Variants in ABCB4 observed in about 807,000 individuals in gnomAD.
ABCB4 encodes the protein ATP binding cassette subfamily B member 4, also known as phosphatidylcholine translocator ABCB4.
ABCB4 carries 76 observed loss-of-function variants against 145.7 expected under a neutral mutation model. The observed-to-expected ratio is 0.52, with a 90% CI of 0.43 to 0.63. The LOEUF is 0.63. Among genes scored for constraint, ABCB4 ranks in the 30% least tolerant of loss-of-function variants. ABCB4 has a pLI of 0.00. For synonymous variants in ABCB4, 517 were observed against 566.8 expected (o/e 0.91, Z 1.25); for missense variants, 1,234 against 1,553.1 (o/e 0.79, Z 3.45).
chr7:87,418,281 C>T (rs1309017847), intron 20 of ABCB4, among the ~76,000 whole-genome samples: 1 of 152,194 alleles, frequency 6.6e-6, no homozygotes, highest in Non-Finnish European at 1.5e-5. Context: ...CTATTAGCAG[C>T]CATCCTGTGA....
intron 14 of ABCB4, among the ~76,000 whole-genome samples, chr7:87,437,668 C>G (rs540925351): frequency 7.2e-5 from 11 of 152,126 alleles, no homozygotes; most frequent in Non-Finnish European, 1.6e-4. Context: ...GATACTATTT[C>G]TGTCCCCTCT....
intron 18 of ABCB4, 82 bp from the exon 19 acceptor site, chr7:87,420,157 A>G: frequency 1.5e-6 from 2 of 1,343,908 alleles, no homozygotes; most frequent in South Asian, 2.3e-5. Flanking sequence ...ACTTTTATGT[A>G]GCAAAGTTAT....
At chr7:87,449,152 G>A (rs981322491) in intron 8 of ABCB4, among the ~76,000 whole-genome samples, 2 of 151,948 alleles carry the variant, frequency 1.3e-5, no homozygotes, top group African/African-American at 4.8e-5. Flanking sequence ...TCCAGATACT[G>A]GTCAATTTTC....
At chr7:87,436,225 A>G (rs1195445509) in intron 14 of ABCB4, among the ~76,000 whole-genome samples, 1 of 152,226 alleles carries the variant, frequency 6.6e-6, no homozygotes, top group Non-Finnish European at 1.5e-5. Context: ...TTAGTCATCC[A>G]ATAAAATTAG....
chr7:87,422,952 C>T (rs31666), intron 17 of ABCB4, among the ~76,000 whole-genome samples: 121,048 of 152,136 alleles, frequency 0.8, 48,557 homozygotes, highest in Non-Finnish European at 0.85. Flanking sequence ...ACTAGGCAGA[C>T]AGATGCCCCA....
chr7:87,393,499 C>A, the ABCB4 span, among the ~76,000 whole-genome samples: 11 of 152,218 alleles, frequency 7.2e-5, no homozygotes, highest in South Asian at 2.3e-3. Context: ...AATTCAGATG[C>A]AGTTCACTTG....
chr7:87,385,488 G>A, the ABCB4 span, among the ~76,000 whole-genome samples: 1 of 151,956 alleles, frequency 6.6e-6, no homozygotes. Context: ...TTGTTTTTCA[G>A]ATTGTTTGCT....
Position 87,443,403 on chromosome 7 carries a change from C to T in ABCB4, c.1272G>A (p.Thr424=), listed in dbSNP as rs768662475. 2.7e-5 allele frequency: 43 copies of T among 1,613,886 alleles called. No homozygotes were observed. The highest frequency in any genetic ancestry group is 2.3e-4 in the African/African-American group (17 of 74,882). ...AGCCACTACTTCCAACCAGGGCCAC[C>T]GTCTGCCCACTCTGCACCTTCAGGT... ...GLNLKVQSGQ[T]VALVGSSGCG... Residue 424 remains threonine (T), a synonymous_variant, in exon 12 of 28, where the codon ACG becomes ACA. Coordinates refer to ENST00000649586, the MANE Select transcript of ABCB4 (RefSeq NM_000443.4).
At chr7:87,369,611 T>TA in the ABCB4 span, 445 of 344,336 alleles carry the variant, frequency 1.3e-3, 2 homozygotes, top group African/African-American at 7.1e-3. Flanking sequence ...CATGCTTTTT[T>TA]AAAAAAAAAT....
chr7:87,451,646 G>C lies in ABCB4; in HGVS notation c.685C>G (p.Leu229Val). Reference sequence around the variant, plus strand: ...ACCTTTGCCCAAACGGCTGCAGAGAGTCCTAGAATAGGGCTGATGGCCATT... The same window carrying C: ...ACCTTTGCCCAAACGGCTGCAGAGACTCCTAGAATAGGGCTGATGGCCATT... The part of the protein sequence containing the change: ...VIMAISPILG[L>V]SAAVWAKILS... Residue 229 changes from leucine to valine, a missense_variant, in exon 7 of 28, where the codon CTC becomes GTC. Coordinates refer to ENST00000649586, the MANE Select transcript of ABCB4 (RefSeq NM_000443.4). The C allele has an allele frequency of 6.2e-7, 1 of 1,614,134 alleles. No homozygotes were observed. The highest frequency in any genetic ancestry group is 8.5e-7 in the Non-Finnish European group (1 of 1,180,016).
intron 3 of ABCB4, 28 bp downstream of exon 3, chr7:87,472,593 T>C: frequency 6.4e-7 from 1 of 1,554,934 alleles, no homozygotes; most frequent in Non-Finnish European, 8.9e-7. Context: ...AAGGTAGGAT[T>C]ATTCACATTT....
At chr7:87,429,288 G>T (rs1047022148) in intron 15 of ABCB4, among the ~76,000 whole-genome samples, 6 of 152,338 alleles carry the variant, frequency 3.9e-5, no homozygotes, top group Admixed American at 3.9e-4. Context: ...AGAAATATCA[G>T]AGGTCATCTT....
chr7:87,407,701 A>G (rs967119652), intron 25 of ABCB4, among the ~76,000 whole-genome samples: 1 of 152,200 alleles, frequency 6.6e-6, no homozygotes, highest in Non-Finnish European at 1.5e-5. Flanking sequence ...CCTGTTTTGG[A>G]AGTCAGCTTT....
At position 87,474,826 on chromosome 7, in the gene ABCB4, G is replaced by T. The variant is rs117431116; in HGVS notation, c.80+560C>A. Among the ~76,000 whole-genome samples the T allele has an allele frequency of 9.5e-4, 144 of 152,106 alleles. 4 individuals carry two copies. The South Asian group carries it at 0.018, about 19-fold the overall frequency. ...CCTACCACTTGAACAAAACTGATTC[G>T]GATGTACAGAAGTTCCCCCTCCCCA... On this transcript the variant is annotated intron_variant, in intron 2 of 27. Coordinates refer to ENST00000649586, the MANE Select transcript of ABCB4 (RefSeq NM_000443.4).
intron 3 of ABCB4, among the ~76,000 whole-genome samples, chr7:87,467,108 C>T (rs1025292584): frequency 6.6e-6 from 1 of 152,066 alleles, no homozygotes; most frequent in Admixed American, 6.6e-5. Flanking sequence ...GACTGGCAAA[C>T]TGGATAAAGA....
In ABCB4 at chr7:87,417,375, A is replaced by C. The variant is rs775357102; in HGVS notation, c.2619T>G (p.Val873=). 3.1e-6 allele frequency: 5 copies of C among 1,614,020 alleles called. No individual in the cohort carries two copies. The highest frequency in any genetic ancestry group is 4.2e-6 in the Non-Finnish European group (5 of 1,180,010). ...CATTTCCAGCCAACAATTTCATTTC[A>C]ACAATTCCTGACACAGCAATAATTG... ...VVPIIAVSGI[V]EMKLLAGNAK... The change falls in exon 21 of 28, where the codon GTT becomes GTG. Residue 873 remains valine, a synonymous_variant. Transcript: ENST00000649586.
chr7:87,422,150 T>C lies in ABCB4; in HGVS notation c.2287A>G (p.Ile763Val). 6.2e-7 allele frequency: 1 copy of C among 1,612,766 alleles called. No homozygotes were observed. Among genetic ancestry groups the C allele is most frequent in the East Asian group, 2.2e-5 (1 of 44,748 alleles). The change falls in exon 18 of 28, where the codon ATT becomes GTT. Residue 763 changes from isoleucine (I) to valine (V), a missense_variant. By Grantham distance (29) the Ile-to-Val change is conservative. Coordinates refer to ENST00000649586, the MANE Select transcript of ABCB4 (RefSeq NM_000443.4). Reference protein sequence around the residue: ...IFSLIFLFLGIISFFTFFLQG... With the variant: ...IFSLIFLFLGVISFFTFFLQG... Reference sequence around the variant, plus strand: ...AGGAAGAAAGTAAAAAAAGAAATAATTCCCAGAAATAAGAAAATCAAAGAG... The same window carrying C: ...AGGAAGAAAGTAAAAAAAGAAATAACTCCCAGAAATAAGAAAATCAAAGAG...
intron 1 of ABCB4, 23 bp downstream of exon 1, chr7:87,475,611 A>C (rs1348548948): frequency 2.5e-6 from 2 of 806,952 alleles, no homozygotes; most frequent in African/African-American, 3.4e-5. Flanking sequence ...CTTCGAGGCC[A>C]GACGCGCCCG....
At chr7:87,417,137 ATATTT>A (rs1417456238) in intron 21 of ABCB4, among the ~76,000 whole-genome samples, 170 bp downstream of exon 21, 1 of 152,242 alleles carries the variant, frequency 6.6e-6, no homozygotes, top group Non-Finnish European at 1.5e-5. Context: ...TAATCACCTT[ATATTT>A]AAGTTCTAGA....
Sources: gnomAD v4.1 joint callset for allele counts (sites outside exome capture counted in the v4.1 genomes callset) on GRCh38, gnomAD v4.1.1 for gene constraint, MANE v1.5 for transcripts, NCBI Gene and HGNC (gene_info 2026-07-23, HGNC 2026-07-21) for gene names.